Variants in UGT1A8 observed in about 807,000 individuals in gnomAD.
UGT1A8 encodes UDP glucuronosyltransferase family 1 member A8, also known as UDP-glucuronosyltransferase 1A8.
UGT1A8 carries 39 observed loss-of-function variants against 45.3 expected under a neutral mutation model. That is an observed-to-expected ratio of 0.86 (90% CI 0.67 to 1.12). UGT1A8 has a LOEUF of 1.12. Among genes scored for constraint, UGT1A8 ranks in the 50% most tolerant of loss-of-function variants. The pLI is 0.00. For missense variants in UGT1A8, 719 were observed against 664.9 expected, an observed-to-expected ratio of 1.08 and a Z score of -0.90; for synonymous variants, 275 against 249.2, an observed-to-expected ratio of 1.10 and a Z score of -0.97.
intron 1 of UGT1A8, among the ~76,000 whole-genome samples, chr2:233,665,299 A>T (rs542365796): frequency 6.6e-6 from 1 of 152,230 alleles, no homozygotes; most frequent in East Asian, 1.9e-4. Flanking sequence ...GCATTTTCCA[A>T]ATTTGTCTTT....
intron 1 of UGT1A8, chr2:233,761,045 T>A (rs1315871466): frequency 1.9e-6 from 3 of 1,614,220 alleles, no homozygotes; most frequent in Non-Finnish European, 1.7e-6. Flanking sequence ...TCTGCATCTG[T>A]CTGGCTGTTT....
intron 1 of UGT1A8, among the ~76,000 whole-genome samples, chr2:233,661,764 A>C (rs1199758232): frequency 6.7e-6 from 1 of 148,910 alleles, no homozygotes; most frequent in Non-Finnish European, 1.5e-5. Context: ...CCTATGGTAC[A>C]TATCAAGCAA....
intron 1 of UGT1A8, among the ~76,000 whole-genome samples, chr2:233,746,948 G>A (rs1241927959): frequency 6.6e-6 from 1 of 151,802 alleles, no homozygotes; most frequent in Non-Finnish European, 1.5e-5. Context: ...TGAGAAACAA[G>A]AGCTTGAACT....
intron 1 of UGT1A8, among the ~76,000 whole-genome samples, chr2:233,702,710 C>T (rs1001273566): frequency 2.0e-5 from 3 of 152,232 alleles, no homozygotes; most frequent in African/African-American, 7.2e-5. Flanking sequence ...TTTTCTGTGT[C>T]TATTGAAATG....
At chr2:233,695,416 G>A (rs2075286623) in intron 1 of UGT1A8, among the ~76,000 whole-genome samples, 1 of 143,254 alleles carries the variant, frequency 7.0e-6, no homozygotes, top group Non-Finnish European at 1.6e-5. Context: ...GAGCTACCGC[G>A]CCCGGCCTTC....
intron 1 of UGT1A8, among the ~76,000 whole-genome samples, chr2:233,725,356 T>C (rs148228009): frequency 7.0e-6 from 1 of 143,138 alleles, no homozygotes; most frequent in East Asian, 2.0e-4. Context: ...GAATGTTTCT[T>C]ATGAAGACAC....
intron 1 of UGT1A8, among the ~76,000 whole-genome samples, chr2:233,663,737 A>G (rs561104004): frequency 6.6e-6 from 1 of 152,324 alleles, no homozygotes; most frequent in African/African-American, 2.4e-5. Flanking sequence ...AAGTTGGTTC[A>G]GTCTATGTCC....
chr2:233,731,217 A>G (rs1429069865), intron 1 of UGT1A8, among the ~76,000 whole-genome samples: 2 of 151,714 alleles, frequency 1.3e-5, no homozygotes, highest in Non-Finnish European at 2.9e-5. Flanking sequence ...GTTTATTTAG[A>G]TTTGTAAAAA....
chr2:233,772,858 A>G lies in UGT1A8; in HGVS notation c.*299A>G, dbSNP rs966644080. The G allele has an allele frequency of 2.8e-5, 20 of 719,678 alleles. No homozygotes were observed. The Admixed American group carries it at 5.6e-4, about 20-fold the overall frequency. 44.6% of individuals were successfully genotyped at this position (719,678 alleles called of 1,614,324 possible). ...TAGATTACTTTTCTTACTCTGAAAC[A>G]TGGCCTGTTTGGGAGTGCGGGATTC... On this transcript the variant is annotated 3_prime_UTR_variant, in exon 5 of 5. Coordinates refer to ENST00000373450, the MANE Select transcript of UGT1A8 (RefSeq NM_019076.5).
intron 1 of UGT1A8, among the ~76,000 whole-genome samples, chr2:233,745,372 T>A (rs1423074391): frequency 1.3e-5 from 2 of 151,860 alleles, no homozygotes; most frequent in Non-Finnish European, 2.9e-5. Flanking sequence ...AGATCTGAGT[T>A]CTCTTCACCT....
At chr2:233,662,565 A>T (rs534391277) in intron 1 of UGT1A8, among the ~76,000 whole-genome samples, 1 of 152,192 alleles carries the variant, frequency 6.6e-6, no homozygotes, top group East Asian at 1.9e-4. Context: ...CCCATAGATG[A>T]TCATGTTGAC....
chr2:233,748,333 G>A (rs1453810710), intron 1 of UGT1A8, among the ~76,000 whole-genome samples: 2 of 151,780 alleles, frequency 1.3e-5, no homozygotes, highest in Non-Finnish European at 2.9e-5. Flanking sequence ...GTGACTCATG[G>A]AGACTGTTCG....
chr2:233,734,666 C>T (rs1294652179), intron 1 of UGT1A8, among the ~76,000 whole-genome samples: 1 of 152,056 alleles, frequency 6.6e-6, no homozygotes, highest in Non-Finnish European at 1.5e-5. Context: ...TATAAATTTC[C>T]CTCTACACAC....
chr2:233,716,324 A>G (rs1170478675), intron 1 of UGT1A8, among the ~76,000 whole-genome samples: 4 of 152,226 alleles, frequency 2.6e-5, no homozygotes, highest in Non-Finnish European at 5.9e-5. Flanking sequence ...AATGGAATAT[A>G]TTCCCAGGTT....
At chr2:233,713,262 C>G in intron 1 of UGT1A8, 1 of 1,614,080 alleles carries the variant, frequency 6.2e-7, no homozygotes, top group Non-Finnish European at 8.5e-7. Context: ...CGAATTTGAT[C>G]GCCTTTTGCT....
At chr2:233,717,869 T>G in intron 1 of UGT1A8, 1 of 454,868 alleles carries the variant, frequency 2.2e-6, no homozygotes, top group South Asian at 1.6e-5. Context: ...TGGATTGACT[T>G]GGAGAAAAGC....
Position 233,618,046 on chromosome 2 carries a change from C to T in UGT1A8, c.339C>T (p.Ser113=). ...RSLFSLFLSS[S]NGFFNLFFSH... ...TGTTTTCTCTATTTCTGAGTTCATC[C>T]AATGGTTTTTTTAACTTATTTTTTT... The change falls in exon 1 of 5, where the codon TCC becomes TCT. Residue 113 remains serine (S), a synonymous_variant. Coordinates refer to ENST00000373450, the MANE Select transcript of UGT1A8 (RefSeq NM_019076.5). 1.2e-6 allele frequency: 2 copies of T among 1,614,006 alleles called. No individual in the cohort carries two copies. The highest frequency in any genetic ancestry group is 1.7e-6 in the Non-Finnish European group (2 of 1,180,010).
chr2:233,713,230 A>G (rs747842946), intron 1 of UGT1A8: 14 of 1,614,276 alleles, frequency 8.7e-6, no homozygotes, highest in Admixed American at 1.7e-5. Flanking sequence ...CTGACAACGT[A>G]TGCCATTTCA....
rs1191873899 is a variant in UGT1A8 at position 233,760,673 on chromosome 2, A to G, written c.856-6361A>G. The G allele has an allele frequency of 2.5e-6, 4 of 1,614,214 alleles. No homozygotes were observed. Among genetic ancestry groups the G allele is most frequent in the Non-Finnish European group, 3.4e-6 (4 of 1,180,038 alleles). Reference sequence around the variant, plus strand: ...GCTATGCTTTTGTCTGGCTGTTCCCACTTACTGCACAACAAGGAGCTCATG... The same window carrying G: ...GCTATGCTTTTGTCTGGCTGTTCCCGCTTACTGCACAACAAGGAGCTCATG... On this transcript the variant is annotated intron_variant, in intron 1 of 4. Coordinates refer to ENST00000373450, the MANE Select transcript of UGT1A8 (RefSeq NM_019076.5).
Sources: gnomAD v4.1 joint callset for allele counts (sites outside exome capture counted in the v4.1 genomes callset) on GRCh38, gnomAD v4.1.1 for gene constraint, MANE v1.5 for transcripts, NCBI Gene and HGNC (gene_info 2026-07-23, HGNC 2026-07-21) for gene names.